Variants in MIDEAS observed in about 807,000 individuals in gnomAD.
The protein encoded by MIDEAS is mitotic deacetylase associated SANT domain protein.
A neutral mutation model predicts 102.7 loss-of-function variants in MIDEAS; 26 were observed. The observed-to-expected ratio is 0.25, with a 90% CI of 0.19 to 0.35. MIDEAS has a LOEUF of 0.35. MIDEAS is among the 10% of genes least tolerant of loss of function. The probability of loss-of-function intolerance (pLI) is 1.00; values close to 1 mark genes in which losing one functional copy is unlikely to be tolerated. For synonymous variants in MIDEAS, 585 were observed against 591.0 expected (o/e 0.99, Z 0.15); for missense variants, 1,231 against 1,435.6 (o/e 0.86, Z 2.30).
intron 5 of MIDEAS, 135 bp from the exon 6 acceptor site, chr14:73,727,107 C>A (rs1287835389): frequency 8.6e-7 from 1 of 1,166,346 alleles, no homozygotes; most frequent in Non-Finnish European, 1.2e-6. Context: ...AGTCTGGCTT[C>A]TAGGGGCTTG....
intron 3 of MIDEAS, 149 bp downstream of exon 3, chr14:73,736,849 G>C: frequency 1.3e-6 from 1 of 759,634 alleles, no homozygotes; most frequent in East Asian, 2.7e-5. Context: ...CTGGACGTCT[G>C]TCCAGAAGTT....
chr14:73,723,014 C>T, intron 9 of MIDEAS, 167 bp from the exon 10 acceptor site: 1 of 631,218 alleles, frequency 1.6e-6, no homozygotes, highest in East Asian at 2.7e-5. Context: ...CTGCAACAAA[C>T]CACTGATCAA....
chr14:73,763,901 C>T (rs1287799261), upstream of MIDEAS, among the ~76,000 whole-genome samples: 2 of 152,178 alleles, frequency 1.3e-5, no homozygotes, highest in Admixed American at 1.3e-4. Flanking sequence ...AAAGGATGCC[C>T]ACCTTCCAGG....
At chr14:73,727,011 T>C in intron 5 of MIDEAS, 39 bp from the exon 6 acceptor site, 2 of 1,552,196 alleles carry the variant, frequency 1.3e-6, no homozygotes, top group Non-Finnish European at 1.7e-6. Flanking sequence ...GGCCTCACCT[T>C]GCGGGGACGG....
At chr14:73,746,146 T>G (rs895800307) in intron 1 of MIDEAS, among the ~76,000 whole-genome samples, 2 of 152,320 alleles carry the variant, frequency 1.3e-5, no homozygotes, top group African/African-American at 4.8e-5. Flanking sequence ...TGAGGCACTC[T>G]CAGGGCTCCG....
intron 1 of MIDEAS, among the ~76,000 whole-genome samples, chr14:73,785,417 A>G (rs114150378): frequency 6.6e-6 from 1 of 152,256 alleles, no homozygotes; most frequent in African/African-American, 2.4e-5. Context: ...GTTCCTATGG[A>G]GAAGGAGGAG....
At chr14:73,747,767 G>A (rs1462071533) in intron 1 of MIDEAS, among the ~76,000 whole-genome samples, 4 of 152,108 alleles carry the variant, frequency 2.6e-5, no homozygotes, top group Non-Finnish European at 5.9e-5. Flanking sequence ...CCCATGCACT[G>A]GAGCAGGGGA....
intron 1 of MIDEAS, among the ~76,000 whole-genome samples, chr14:73,774,631 G>C (rs2053674014): frequency 6.6e-6 from 1 of 151,868 alleles, no homozygotes; most frequent in Non-Finnish European, 1.5e-5. Flanking sequence ...TCCCCTCAAA[G>C]GCTTCCTCAG....
At chr14:73,762,010 A>T (rs749512028), upstream of MIDEAS, among the ~76,000 whole-genome samples, 5 of 152,070 alleles carry the variant, frequency 3.3e-5, no homozygotes, top group Non-Finnish European at 5.9e-5. Context: ...TACTTTTTTC[A>T]TTTGCCTGAT....
In MIDEAS at chr14:73,718,705, A is replaced by C; in HGVS notation, c.*138T>G. The C allele has an allele frequency of 9.4e-6, 8 of 854,620 alleles. No homozygotes were observed. The highest frequency in any genetic ancestry group is 6.4e-6 in the Non-Finnish European group (4 of 622,856). 52.9% of individuals were successfully genotyped at this position (854,620 alleles called of 1,614,324 possible). On this transcript the variant is annotated 3_prime_UTR_variant, in exon 13 of 13. Coordinates refer to ENST00000423556, the MANE Select transcript of MIDEAS (RefSeq NM_001367710.1). ...CATAAATAAAAGAGCCGTTTATGTC[A>C]TTGTCTCATTTGTTTCGCAGGGAAA...
upstream of MIDEAS, among the ~76,000 whole-genome samples, chr14:73,787,787 G>A (rs757027538): frequency 1.1e-4 from 16 of 152,108 alleles, no homozygotes; most frequent in Non-Finnish European, 2.2e-4. Flanking sequence ...CGTTTACCAC[G>A]TATCACACTT....
upstream of MIDEAS, chr14:73,788,958 A>C (rs1209739204): frequency 6.6e-6 from 1 of 152,196 alleles, no homozygotes; most frequent in Non-Finnish European, 1.5e-5. Context: ...GCCCAGGAGT[A>C]ATTAGCAGAC....
intron 1 of MIDEAS, among the ~76,000 whole-genome samples, chr14:73,779,966 G>A (rs1464661126): frequency 2.7e-5 from 4 of 150,004 alleles, no homozygotes; most frequent in Non-Finnish European, 4.4e-5. Context: ...TCCTCCTCCC[G>A]GGTTCACACC....
intron 1 of MIDEAS, among the ~76,000 whole-genome samples, chr14:73,757,995 G>A (rs1316088134): frequency 6.6e-6 from 1 of 152,146 alleles, no homozygotes; most frequent in African/African-American, 2.4e-5. Context: ...CACTGGCAGT[G>A]GCTAGGCTGT....
chr14:73,722,884 G>A (rs752229570), intron 9 of MIDEAS, 37 bp from the exon 10 acceptor site: 3 of 1,606,732 alleles, frequency 1.9e-6, no homozygotes, highest in Admixed American at 3.4e-5. Flanking sequence ...GAACCCTCTG[G>A]TTTGGCTCAT....
At chr14:73,775,147 G>T (rs62006091) in intron 1 of MIDEAS, among the ~76,000 whole-genome samples, 22,419 of 151,854 alleles carry the variant, frequency 0.15, 2,948 homozygotes, top group East Asian at 0.69. Context: ...CAAGGCGAGA[G>T]AAGTGCGTCC....
chr14:73,753,701 G>A (rs531707342), intron 1 of MIDEAS, among the ~76,000 whole-genome samples: 15 of 152,286 alleles, frequency 9.8e-5, no homozygotes, highest in South Asian at 8.3e-4. Flanking sequence ...AGGCAAGGGC[G>A]GGACAGGGAG....
intron 1 of MIDEAS, among the ~76,000 whole-genome samples, chr14:73,786,850 G>C (rs920868147): frequency 6.7e-6 from 1 of 149,422 alleles, no homozygotes. Context: ...TCAGGCCAAC[G>C]GCGCCTGGAG....
At chr14:73,743,833 G>C (rs1184083703) in intron 1 of MIDEAS, among the ~76,000 whole-genome samples, 1 of 151,964 alleles carries the variant, frequency 6.6e-6, no homozygotes. Flanking sequence ...CCCCAGACAC[G>C]GCAACCCGCC....
Sources: gnomAD v4.1 joint callset for allele counts (sites outside exome capture counted in the v4.1 genomes callset) on GRCh38, gnomAD v4.1.1 for gene constraint, MANE v1.5 for transcripts, NCBI Gene and HGNC (gene_info 2026-07-23, HGNC 2026-07-21) for gene names.